The following CRADD variants were observed in gnomAD, a reference collection of about 807,000 sequenced individuals.
CRADD encodes the protein death domain-containing protein CRADD.
Under a neutral mutation model 15.5 loss-of-function variants are expected in CRADD, and 9 were observed. The observed-to-expected ratio is 0.58, with a 90% CI of 0.35 to 1.01. The LOEUF (loss-of-function observed/expected upper bound fraction) is 1.01. CRADD is among the 50% of genes least tolerant of loss of function. The pLI, the probability that CRADD is intolerant of heterozygous loss-of-function variation, is 0.02. For missense variants in CRADD, 227 were observed against 250.3 expected (o/e 0.91, Z 0.63); for synonymous variants, 118 against 107.6 (o/e 1.10, Z -0.60).
At chr12:93,797,943 T>G (rs1360861924) in intron 2 of CRADD, among the ~76,000 whole-genome samples, 1 of 152,198 alleles carries the variant, frequency 6.6e-6, no homozygotes, top group Non-Finnish European at 1.5e-5. Context: ...ATCAACTGTT[T>G]CTGTTTTTCC....
chr12:93,821,029 G>A (rs1262723591), intron 2 of CRADD, among the ~76,000 whole-genome samples: 1 of 152,226 alleles, frequency 6.6e-6, no homozygotes, highest in African/African-American at 2.4e-5. Context: ...GTGCCCCTGA[G>A]GGCTGTAGCC....
intron 2 of CRADD, among the ~76,000 whole-genome samples, chr12:93,711,055 C>CCCCCCCCTTTTT: frequency 9.2e-5 from 4 of 43,502 alleles, no homozygotes; most frequent in South Asian, 1.3e-3. Context: ...CCACCCCCGC[C>CCCCCCCCTTTTT]TTTTTTTTTT....
chr12:93,874,640 A>T (rs944447507), intron 2 of CRADD, among the ~76,000 whole-genome samples: 1 of 151,842 alleles, frequency 6.6e-6, no homozygotes, highest in Non-Finnish European at 1.5e-5. Flanking sequence ...CTTTCAAGAA[A>T]TTTTTTTAAC....
chr12:93,726,112 T>G (rs1392108098), intron 2 of CRADD, among the ~76,000 whole-genome samples: 2 of 147,074 alleles, frequency 1.4e-5, no homozygotes, highest in Non-Finnish European at 3.0e-5. Flanking sequence ...TTTTTTTTTT[T>G]TTTTTTCTTG....
At chr12:93,759,198 A>T (rs1235926386) in intron 2 of CRADD, among the ~76,000 whole-genome samples, 1 of 152,232 alleles carries the variant, frequency 6.6e-6, no homozygotes, top group Non-Finnish European at 1.5e-5. Flanking sequence ...ATGGAAAAAA[A>T]CACAGAAATA....
At chr12:93,778,843 A>T (rs1957168885) in intron 2 of CRADD, among the ~76,000 whole-genome samples, 1 of 152,006 alleles carries the variant, frequency 6.6e-6, no homozygotes. Flanking sequence ...AGTAGCAATG[A>T]ATTCACAGGA....
intron 2 of CRADD, among the ~76,000 whole-genome samples, chr12:93,807,795 C>T (rs1957557101): frequency 6.6e-6 from 1 of 151,930 alleles, no homozygotes; most frequent in Non-Finnish European, 1.5e-5. Flanking sequence ...CCAATGAGTA[C>T]ATCCATCAGT....
chr12:93,748,976 G>A (rs1956800674), intron 2 of CRADD, among the ~76,000 whole-genome samples: 1 of 152,192 alleles, frequency 6.6e-6, no homozygotes, highest in South Asian at 2.1e-4. Context: ...ATGGGCCCTG[G>A]CTGGTGGTAC....
intron 2 of CRADD, chr12:93,836,085 GTCTTCTCAT>G (rs1957969539): frequency 6.6e-6 from 1 of 152,198 alleles, no homozygotes; most frequent in South Asian, 2.1e-4. Context: ...CATGCAGAAT[GTCTTCTCAT>G]TCTGCCAGGG....
intron 2 of CRADD, among the ~76,000 whole-genome samples, chr12:93,768,573 A>G (rs1348775898): frequency 6.6e-6 from 1 of 152,178 alleles, no homozygotes; most frequent in African/African-American, 2.4e-5. Context: ...GTTAGATAAG[A>G]ATGCTTCTAC....
chr12:93,872,627 T>A (rs1958430779), intron 2 of CRADD, among the ~76,000 whole-genome samples: 1 of 152,182 alleles, frequency 6.6e-6, no homozygotes, highest in Non-Finnish European at 1.5e-5. Flanking sequence ...TTCATATGGA[T>A]ATCCAGTTTT....
chr12:93,686,693 T>C (rs987163858), intron 2 of CRADD, among the ~76,000 whole-genome samples: 3 of 152,230 alleles, frequency 2.0e-5, no homozygotes, highest in Admixed American at 6.5e-5. Context: ...ATCTAATTTT[T>C]CTCTGAGAAA....
intron 2 of CRADD, among the ~76,000 whole-genome samples, chr12:93,845,192 C>T (rs1958099169): frequency 6.6e-6 from 1 of 152,118 alleles, no homozygotes; most frequent in South Asian, 2.1e-4. Context: ...ACTCCTGCCT[C>T]TCCTCCATGG....
At chr12:93,738,857 CGAG>C (rs1173327409) in intron 2 of CRADD, among the ~76,000 whole-genome samples, 2 of 151,404 alleles carry the variant, frequency 1.3e-5, no homozygotes, top group African/African-American at 2.4e-5. Flanking sequence ...GAGAGAGAAA[CGAG>C]GAAAGGAAGG....
intron 2 of CRADD, among the ~76,000 whole-genome samples, chr12:93,741,162 C>A (rs563694421): frequency 6.6e-6 from 1 of 152,154 alleles, no homozygotes; most frequent in Non-Finnish European, 1.5e-5. Context: ...TGCTAACTCC[C>A]GGAGTTGTGT....
chr12:93,849,859 G>C (rs1958188769), intron 2 of CRADD, 111 bp from the exon 3 acceptor site: 2 of 715,176 alleles, frequency 2.8e-6, no homozygotes, highest in Non-Finnish European at 5.0e-6. Context: ...GAGCCAATTG[G>C]CTCTGCCATT....
chr12:93,759,486 G>A lies in CRADD; in HGVS notation c.298+80414G>A, dbSNP rs79123207. On this transcript the variant is annotated intron_variant, in intron 2 of 2. Coordinates refer to ENST00000332896, the MANE Select transcript of CRADD (RefSeq NM_003805.5). ...AACTAATTCCTTTATTTTTCTCACCGGTTCTCTTCATCTTTCATTTTGGTC... is the reference window on the plus strand; with the variant it reads ...AACTAATTCCTTTATTTTTCTCACCAGTTCTCTTCATCTTTCATTTTGGTC... 9.2e-3 allele frequency among the ~76,000 whole-genome samples: 1,390 copies of A among 151,768 alleles called. 21 individuals carry two copies. Among genetic ancestry groups the A allele is most frequent in the African/African-American group, 0.032 (1,313 of 41,376 alleles).
intron 2 of CRADD, among the ~76,000 whole-genome samples, chr12:93,728,460 G>A (rs541998858): frequency 1.3e-5 from 2 of 152,244 alleles, no homozygotes; most frequent in African/African-American, 4.8e-5. Context: ...ATCACTTTTT[G>A]TCCATATTAA....
intron 2 of CRADD, among the ~76,000 whole-genome samples, chr12:93,746,900 C>A (rs531444229): frequency 2.0e-5 from 3 of 151,782 alleles, no homozygotes; most frequent in South Asian, 4.2e-4. Context: ...TGCAGTGAAA[C>A]TGATGAATAT....
Sources: allele counts gnomAD v4.1 joint callset (sites outside exome capture counted in the v4.1 genomes callset), GRCh38; gene constraint gnomAD v4.1.1; transcripts MANE v1.5; gene names NCBI Gene and HGNC (gene_info 2026-07-23, HGNC 2026-07-21).